The following SLC7A14 variants were observed in gnomAD, a reference collection of about 807,000 sequenced individuals.
SLC7A14 encodes solute carrier family 7 member 14.
Under a neutral mutation model 60.2 loss-of-function variants are expected in SLC7A14, and 37 were observed. The observed-to-expected ratio is 0.61, with a 90% CI of 0.47 to 0.81. The LOEUF is 0.81. SLC7A14 is among the 30% of genes least tolerant of loss of function. The pLI, the probability that SLC7A14 is intolerant of heterozygous loss-of-function variation, is 0.00. For missense variants in SLC7A14, 886 were observed against 982.7 expected (o/e 0.90, Z 1.32); for synonymous variants, 399 against 395.8 (o/e 1.01, Z -0.10).
At chr3:170,584,732 C>T (rs963739765) in intron 1 of SLC7A14, among the ~76,000 whole-genome samples, 32 of 152,208 alleles carry the variant, frequency 2.1e-4, no homozygotes, top group Admixed American at 1.7e-3. Context: ...GCGCCATTCC[C>T]TGCACTCAGT....
At chr3:170,473,659 C>A (rs891058383) in intron 7 of SLC7A14, among the ~76,000 whole-genome samples, 1 of 152,174 alleles carries the variant, frequency 6.6e-6, no homozygotes, top group African/African-American at 2.4e-5. Context: ...CTTCCCACCC[C>A]CACCTCAACC....
chr3:170,568,659 A>G (rs1423262346), intron 1 of SLC7A14, among the ~76,000 whole-genome samples: 1 of 152,148 alleles, frequency 6.6e-6, no homozygotes, highest in Non-Finnish European at 1.5e-5. Context: ...ATGTTCTTCC[A>G]TTTGTTTGTA....
chr3:170,502,710 G>A (rs1055533405), intron 2 of SLC7A14: 1 of 152,206 alleles, frequency 6.6e-6, no homozygotes, highest in African/African-American at 2.4e-5. Context: ...TTCTCATTTG[G>A]AAGGGAGTGA....
chr3:170,505,392 A>G (rs1182801768), intron 2 of SLC7A14, among the ~76,000 whole-genome samples: 1 of 152,226 alleles, frequency 6.6e-6, no homozygotes, highest in Non-Finnish European at 1.5e-5. Context: ...TCACATGTTG[A>G]AATAAATATT....
chr3:170,475,905 G>GA (rs1230636355), intron 7 of SLC7A14, among the ~76,000 whole-genome samples: 2 of 152,164 alleles, frequency 1.3e-5, no homozygotes, highest in East Asian at 3.9e-4. Flanking sequence ...TAGAGACGGA[G>GA]TTTCACCATG....
rs115869160 is a variant in SLC7A14 at position 170,554,162 on chromosome 3, C to T, written c.-152-27074G>A. On this transcript the variant is annotated intron_variant, in intron 1 of 7. Coordinates refer to ENST00000231706, the MANE Select transcript of SLC7A14 (RefSeq NM_020949.3). ...GGCAAGAGCAAGAAGAGGATGAAAA[C>T]AATAAATGTTGAGACATTTGCCAGC... is the stretch of plus-strand genomic sequence containing the variant. Among the ~76,000 whole-genome samples, 625 of 152,186 alleles carry T rather than the reference C, an allele frequency of 4.1e-3. 5 individuals carry two copies. Among genetic ancestry groups the T allele is most frequent in the African/African-American group, 0.015 (603 of 41,510 alleles).
intron 7 of SLC7A14, among the ~76,000 whole-genome samples, chr3:170,475,181 T>C (rs192450429): frequency 6.6e-6 from 1 of 152,372 alleles, no homozygotes; most frequent in African/African-American, 2.4e-5. Context: ...TTGTTGGGGC[T>C]TGTGCCTCGT....
chr3:170,512,415 G>A (rs1358549416), intron 2 of SLC7A14, among the ~76,000 whole-genome samples: 2 of 152,192 alleles, frequency 1.3e-5, no homozygotes, highest in Admixed American at 6.5e-5. Flanking sequence ...TGACAGGGAT[G>A]CCAACACACA....
At chr3:170,539,425 T>A (rs993192001) in intron 1 of SLC7A14, among the ~76,000 whole-genome samples, 2 of 152,252 alleles carry the variant, frequency 1.3e-5, no homozygotes, top group Non-Finnish European at 2.9e-5. Flanking sequence ...TCTGCCTATG[T>A]ATCTGTCTGT....
At chr3:170,558,024 G>A (rs914704342) in intron 1 of SLC7A14, among the ~76,000 whole-genome samples, 37 of 152,094 alleles carry the variant, frequency 2.4e-4, no homozygotes, top group Admixed American at 1.1e-3. Context: ...AGTCTGTCTG[G>A]TATACAGAGA....
intron 4 of SLC7A14, among the ~76,000 whole-genome samples, chr3:170,490,380 A>G (rs1003180377): frequency 6.6e-6 from 1 of 152,228 alleles, no homozygotes; most frequent in African/African-American, 2.4e-5. Context: ...ACATACATAC[A>G]CATGCAAACA....
chr3:170,534,122 A>G (rs1403967428), intron 1 of SLC7A14, among the ~76,000 whole-genome samples: 5 of 151,830 alleles, frequency 3.3e-5, no homozygotes, highest in Non-Finnish European at 7.4e-5. Flanking sequence ...GTAACAAACA[A>G]CCCCAAATTT....
At chr3:170,499,632 T>C (rs1345643355) in intron 3 of SLC7A14, among the ~76,000 whole-genome samples, 3 of 147,320 alleles carry the variant, frequency 2.0e-5, no homozygotes, top group Non-Finnish European at 4.4e-5. Flanking sequence ...AGAATGTGTG[T>C]CTTTGAAAAT....
At chr3:170,571,004 C>T (rs1714939672) in intron 1 of SLC7A14, among the ~76,000 whole-genome samples, 1 of 152,066 alleles carries the variant, frequency 6.6e-6, no homozygotes, top group Non-Finnish European at 1.5e-5. Context: ...TTATTGTTGA[C>T]TTAATTTTCT....
intron 2 of SLC7A14, among the ~76,000 whole-genome samples, chr3:170,503,189 C>T (rs1456596082): frequency 6.6e-6 from 1 of 152,156 alleles, no homozygotes; most frequent in Admixed American, 6.5e-5. Flanking sequence ...ATGTAGCTTT[C>T]CATCTCCTTC....
At chr3:170,501,822 A>C (rs1426364473) in intron 2 of SLC7A14, among the ~76,000 whole-genome samples, 1 of 152,252 alleles carries the variant, frequency 6.6e-6, no homozygotes, top group Non-Finnish European at 1.5e-5. Flanking sequence ...TAGGGGGTAG[A>C]TAAAAGATGC....
intron 2 of SLC7A14, among the ~76,000 whole-genome samples, chr3:170,515,505 A>T (rs1713128110): frequency 6.6e-6 from 1 of 151,980 alleles, no homozygotes; most frequent in Non-Finnish European, 1.5e-5. Flanking sequence ...CTAGGGTTAA[A>T]TGTATTTCCC....
chr3:170,517,674 A>G (rs567815684), intron 2 of SLC7A14, among the ~76,000 whole-genome samples: 1 of 152,322 alleles, frequency 6.6e-6, no homozygotes, highest in African/African-American at 2.4e-5. Context: ...GAGCTTTGCA[A>G]GAACCAGCCC....
rs914824484 is a variant in SLC7A14, at chr3:170,551,088, C to T, written c.-152-24000G>A. ...CCAACTCCTGGTAACCACTAATCTA[C>T]TTTCTTTCTTTATGGATTTGCCTAT... On this transcript the variant is annotated intron_variant, in intron 1 of 7. Coordinates refer to ENST00000231706, the MANE Select transcript of SLC7A14 (RefSeq NM_020949.3). 8.5e-5 allele frequency among the ~76,000 whole-genome samples: 13 copies of T among 152,254 alleles called. No individual in the cohort carries two copies. The South Asian group carries it at 1.0e-3, about 12-fold the overall frequency.
Sources: allele counts gnomAD v4.1 joint callset (sites outside exome capture counted in the v4.1 genomes callset), GRCh38; gene constraint gnomAD v4.1.1; transcripts MANE v1.5; gene names NCBI Gene and HGNC (gene_info 2026-07-23, HGNC 2026-07-21).